The following ACIN1 variants were observed in gnomAD, a reference collection of about 807,000 sequenced individuals.
ACIN1 encodes the protein apoptotic chromatin condensation inducer 1.
In ACIN1, 16 loss-of-function variants were observed where a neutral mutation model predicts 146.6. The ratio of observed to expected loss-of-function variants is 0.11; its 90% CI spans 0.07 to 0.17. The LOEUF is 0.17. ACIN1 is among the 10% of genes least tolerant of loss of function. ACIN1 has a pLI of 1.00. For missense variants in ACIN1, 1,357 were observed against 1,609.3 expected (o/e 0.84, Z 2.68); for synonymous variants, 569 against 582.7 (o/e 0.98, Z 0.34).
rs775431445 is a variant in ACIN1, at chr14:23,065,955, G to A, written c.2308+11C>T. The A allele has an allele frequency of 6.2e-7, 1 of 1,612,948 alleles. No homozygotes were observed. The highest frequency in any genetic ancestry group is 1.1e-5 in the South Asian group (1 of 91,040). ...TCCTGACTTTTATCAGGGATTTGGGGCTGGACTTACAGACAACGGAGATCT... is the reference window on the plus strand; with the variant it reads ...TCCTGACTTTTATCAGGGATTTGGGACTGGACTTACAGACAACGGAGATCT... On this transcript the variant is annotated intron_variant, in intron 10 of 18. Coordinates refer to ENST00000605057, the MANE Select transcript of ACIN1 (RefSeq NM_001386863.1).
intron 5 of ACIN1, 65 bp downstream of exon 5, chr14:23,081,683 C>G: frequency 7.2e-7 from 1 of 1,385,178 alleles, no homozygotes; most frequent in South Asian, 1.3e-5. Context: ...CAAAACAAGT[C>G]TGAAGAAGAG....
chr14:23,080,737 T>C lies in ACIN1; in HGVS notation c.598A>G (p.Asn200Asp). 1 of 1,613,952 alleles carries C rather than the reference T, an allele frequency of 6.2e-7. No homozygotes were observed. The highest frequency in any genetic ancestry group is 8.5e-7 in the Non-Finnish European group (1 of 1,179,902). ...EEEDQETPSR[N>D]LRVRADRNLK... The stretch of plus-strand genomic sequence containing the variant: ...TTTCGATCTGCTCTGACCCTTAGGT[T>C]TCTGGAAGGTGTTTCTTGATCCTCT... The change falls in exon 6 of 19, where the codon AAC becomes GAC. Residue 200 changes from asparagine (N) to aspartate (D), a missense_variant. Physicochemically the swap from Asn to Asp is conservative, Grantham distance 23. This residue lies in a region of ACIN1 where 771 missense variants were observed against 746.6 expected (regional missense o/e 1.03). Coordinates refer to ENST00000605057, the MANE Select transcript of ACIN1 (RefSeq NM_001386863.1).
In ACIN1 at chr14:23,089,370, T is replaced by C. The variant is rs56126032; in HGVS notation, c.436+612A>G. On this transcript the variant is annotated intron_variant, in intron 4 of 18. Transcript: ENST00000605057. ...CACCCAGTCTGGGTGCTTAATATTT[T>C]CTATAATGTGAAGAAATTAATTAAT... Among the ~76,000 whole-genome samples the C allele has an allele frequency of 9.5e-3, 1,449 of 152,222 alleles. 23 individuals are homozygous for C. The highest frequency in any genetic ancestry group is 0.034 in the African/African-American group (1,392 of 41,540).
intron 5 of ACIN1, 62 bp downstream of exon 5, chr14:23,081,686 A>T: frequency 5.0e-6 from 7 of 1,398,104 alleles, no homozygotes; most frequent in Non-Finnish European, 6.9e-6. Flanking sequence ...AACAAGTCTG[A>T]AGAAGAGAAG....
At chr14:23,071,298 G>A (rs898070869) in intron 8 of ACIN1, 30 of 1,502,894 alleles carry the variant, frequency 2.0e-5, no homozygotes, top group East Asian at 7.4e-5. Flanking sequence ...CCAGCCACCC[G>A]ATCCAGAGAG....
chr14:23,089,948 GACAAA>G, intron 4 of ACIN1, 29 bp downstream of exon 4: 2 of 1,556,418 alleles, frequency 1.3e-6, no homozygotes, highest in Non-Finnish European at 1.8e-6. Context: ...ACGCAGGATT[GACAAA>G]ACAGCGCAGT....
At position 23,058,978 on chromosome 14, in the gene ACIN1, G is replaced by C; in HGVS notation, c.*170C>G. The stretch of plus-strand genomic sequence containing the variant: ...CTAAGTCCCAAGAGATAGGTTAAGG[G>C]GGTGTGTTTGGGGGGAAAAGGATGG... On this transcript the variant is annotated 3_prime_UTR_variant, in exon 19 of 19. Transcript: ENST00000605057. 1 of 634,270 alleles carries C rather than the reference G, an allele frequency of 1.6e-6. No homozygotes were observed. Among genetic ancestry groups the C allele is most frequent in the Non-Finnish European group, 2.7e-6 (1 of 365,016 alleles). The allele number at this position is 634,270 out of a possible 1,614,324, so 39.3% of individuals were successfully genotyped here.
chr14:23,083,861 C>CA (rs2048015571), intron 4 of ACIN1, among the ~76,000 whole-genome samples: 1 of 152,162 alleles, frequency 6.6e-6, no homozygotes, highest in Admixed American at 6.5e-5. Context: ...TAATACAGTA[C>CA]AAAAGGTTCT....
chr14:23,064,680 C>T (rs979789021), intron 10 of ACIN1, 192 bp from the exon 11 acceptor site: 21 of 673,990 alleles, frequency 3.1e-5, no homozygotes, highest in African/African-American at 1.6e-4. Context: ...GGGTGGATCA[C>T]GAGGTCAGGA....
At chr14:23,063,393 T>C (rs1311929546) in intron 13 of ACIN1, 43 bp downstream of exon 13, 1 of 1,594,588 alleles carries the variant, frequency 6.3e-7, no homozygotes, top group Admixed American at 1.8e-5. Context: ...GCTCTGAGAA[T>C]TCAGGGAGCC....
intron 8 of ACIN1, among the ~76,000 whole-genome samples, chr14:23,076,242 A>G (rs41488050): frequency 0.02 from 2,980 of 152,302 alleles, 98 homozygotes; most frequent in African/African-American, 0.068. Context: ...AGAATGTTGA[A>G]CAACCCATGT....
At chr14:23,094,741 A>AGAG (rs959851025) in intron 1 of ACIN1, 10 of 711,904 alleles carry the variant, frequency 1.4e-5, no homozygotes, top group Non-Finnish European at 1.8e-5. Flanking sequence ...ACACTCCTGG[A>AGAG]GAGTAGTGCA....
At chr14:23,087,587 T>C (rs938246174) in intron 4 of ACIN1, among the ~76,000 whole-genome samples, 1 of 152,076 alleles carries the variant, frequency 6.6e-6, no homozygotes, top group African/African-American at 2.4e-5. Context: ...TCAGAAATCA[T>C]TTCTCATTTT....
chr14:23,062,822 A>T, intron 14 of ACIN1, 107 bp downstream of exon 14: 1 of 1,272,592 alleles, frequency 7.9e-7, no homozygotes. Flanking sequence ...TGAGTAACTT[A>T]ATCTATTGGT....
At chr14:23,069,123 G>A (rs2047548261) in intron 9 of ACIN1, 8 of 1,008,466 alleles carry the variant, frequency 7.9e-6, no homozygotes, top group African/African-American at 1.7e-5. Context: ...TTTTAAAAAG[G>A]AGGGAAAGCT....
chr14:23,063,305 T>G, intron 13 of ACIN1, 131 bp downstream of exon 13: 1 of 1,274,080 alleles, frequency 7.8e-7, no homozygotes, highest in Non-Finnish European at 1.1e-6. Context: ...ACTTAATATG[T>G]AGGAGAAAGA....
In ACIN1 at chr14:23,067,317, G is replaced by A. The variant is rs2047490088; in HGVS notation, c.2266-1309C>T. On this transcript the variant is annotated intron_variant, in intron 9 of 18. Coordinates refer to ENST00000605057, the MANE Select transcript of ACIN1 (RefSeq NM_001386863.1). This position sits in a 1 kb window ranked among gnomAD's most constrained non-coding sequence, Gnocchi z 4.6. Reference sequence around the variant, plus strand: ...TGTTCCAGGTACCATCTCACACCTGGGATCTTCAGTTCAGCCAATCGCACC... The same window carrying A: ...TGTTCCAGGTACCATCTCACACCTGAGATCTTCAGTTCAGCCAATCGCACC... 2.0e-6 allele frequency: 2 copies of A among 985,524 alleles called. No individual in the cohort carries two copies. Among genetic ancestry groups the A allele is most frequent in the Middle Eastern group, 5.2e-4 (1 of 1,934 alleles). 61.0% of individuals were successfully genotyped at this position (985,524 alleles called of 1,614,324 possible).
In ACIN1 at chr14:23,059,034, T is replaced by C. The variant is rs1440238149; in HGVS notation, c.*114A>G. Reference sequence around the variant, plus strand: ...TTTCCATTTGGTATGTATGTAGGGATAGGTGATGTGAAAGACCCTTGGCTC... The same window carrying C: ...TTTCCATTTGGTATGTATGTAGGGACAGGTGATGTGAAAGACCCTTGGCTC... On this transcript the variant is annotated 3_prime_UTR_variant, in exon 19 of 19. Coordinates refer to ENST00000605057, the MANE Select transcript of ACIN1 (RefSeq NM_001386863.1). 5.3e-6 allele frequency: 5 copies of C among 945,202 alleles called. No homozygotes were observed. The highest frequency in any genetic ancestry group is 1.5e-5 in the South Asian group (1 of 67,062). The allele number at this position is 945,202 out of a possible 1,614,324, so 58.6% of individuals were successfully genotyped here.
Position 23,068,522 on chromosome 14 carries a change from G to GC in ACIN1, c.2265+953dup. 9.1e-6 allele frequency: 9 copies of GC among 985,900 alleles called. No homozygotes were observed. The highest frequency in any genetic ancestry group is 1.0e-3 in the Middle Eastern group (2 of 1,914). The allele number at this position is 985,900 out of a possible 1,614,324, so 61.1% of individuals were successfully genotyped here. On this transcript the variant is annotated intron_variant, in intron 9 of 18. Coordinates refer to ENST00000605057, the MANE Select transcript of ACIN1 (RefSeq NM_001386863.1). The surrounding 1 kb of genome is among the most constrained non-coding windows in gnomAD (Gnocchi z 4.3). ...GCCCATCACAGGAGCCCATATACAT[G>GC]CCCCCCTCTGGCCAAGACACCTGGA...
Sources: allele counts gnomAD v4.1 joint callset (sites outside exome capture counted in the v4.1 genomes callset), GRCh38; gene constraint gnomAD v4.1.1; regional missense constraint gnomAD v4.1.1; non-coding constraint Gnocchi (gnomAD v3.1); transcripts MANE v1.5; gene names NCBI Gene and HGNC (gene_info 2026-07-23, HGNC 2026-07-21).